The following DYNLRB2 variants were observed in gnomAD, a reference collection of about 807,000 sequenced individuals.
The protein encoded by DYNLRB2 is bithoraxoid-like protein.
In DYNLRB2, 14 loss-of-function variants were observed where a neutral mutation model predicts 12.6. That is an observed-to-expected ratio of 1.11 (90% CI 0.73 to 1.73). The LOEUF (loss-of-function observed/expected upper bound fraction) is 1.73. DYNLRB2 is among the 40% of genes most tolerant of loss of function. The pLI, the probability that DYNLRB2 is intolerant of heterozygous loss-of-function variation, is 0.00. For synonymous variants in DYNLRB2, 53 were observed against 37.0 expected, an observed-to-expected ratio of 1.43 and a Z score of -1.57; for missense variants, 142 against 117.7, an observed-to-expected ratio of 1.21 and a Z score of -0.95.
rs1347783399 is a variant in DYNLRB2, at chr16:80,549,477, A to G, written c.80-7A>G. 6.3e-7 allele frequency: 1 copy of G among 1,577,126 alleles called. No homozygotes were observed. On this transcript the variant is annotated splice_region_variant and splice_polypyrimidine_tract_variant and intron_variant, in intron 2 of 3. Transcript: ENST00000305904. ...AAAATATTAACCAAAATTAAATTTCATAATAGGTATTCCCATCCGAACAAC... is the reference window on the plus strand; with the variant it reads ...AAAATATTAACCAAAATTAAATTTCGTAATAGGTATTCCCATCCGAACAAC...
chr16:80,550,649 C>A lies in DYNLRB2; in HGVS notation c.*91C>A. The A allele has an allele frequency of 7.4e-7, 1 of 1,356,474 alleles. No homozygotes were observed. The highest frequency in any genetic ancestry group is 1.1e-6 in the Non-Finnish European group (1 of 948,064). 84.0% of individuals were successfully genotyped at this position (1,356,474 alleles called of 1,614,324 possible). On this transcript the variant is annotated 3_prime_UTR_variant, in exon 4 of 4. Coordinates refer to ENST00000305904, the MANE Select transcript of DYNLRB2 (RefSeq NM_130897.3). ...TAAAATTCTATTTCAATCTAACTGA[C>A]CCTTCAAACATTCTTTTCTATTTCT...
At position 80,550,441 on chromosome 16, in the gene DYNLRB2, AAAG is replaced by A. The variant is rs1188769691; in HGVS notation, c.248-69_248-67del. On this transcript the variant is annotated intron_variant, in intron 3 of 3. Transcript: ENST00000305904. The stretch of plus-strand genomic sequence containing the variant: ...AGGTCCCTGTGATGTTTTGAAGAAA[AAAG>A]AAGACTAGTTGAAATATTCCTTGAT... 2.6e-5 allele frequency: 41 copies of A among 1,577,638 alleles called. No individual in the cohort carries two copies. In the African/African-American group the frequency reaches 3.5e-4, roughly 13 times the overall value.
upstream of DYNLRB2, chr16:80,540,926 G>A (rs1909283674): frequency 2.1e-6 from 3 of 1,430,624 alleles, no homozygotes; most frequent in East Asian, 7.4e-5. Flanking sequence ...CGCGGTCAGG[G>A]CGAAAAAGCC....
intron 2 of DYNLRB2, among the ~76,000 whole-genome samples, chr16:80,547,028 A>T (rs1473138919): frequency 6.6e-6 from 1 of 152,238 alleles, no homozygotes; most frequent in Non-Finnish European, 1.5e-5. Context: ...TAAATGTGAA[A>T]TGAGATGACC....
chr16:80,549,190 A>G, intron 2 of DYNLRB2: 1 of 356,924 alleles, frequency 2.8e-6, no homozygotes, highest in Non-Finnish European at 5.4e-6. Flanking sequence ...TGAAGTATGC[A>G]GTTATTAAAA....
chr16:80,541,167 G>A (rs189034057), intron 1 of DYNLRB2, 88 bp downstream of exon 1: 4 of 1,513,760 alleles, frequency 2.6e-6, no homozygotes, highest in East Asian at 4.7e-5. Flanking sequence ...GGCCCACCCA[G>A]GCACGGGCGG....
intron 2 of DYNLRB2, among the ~76,000 whole-genome samples, chr16:80,547,009 A>G (rs1239496198): frequency 6.6e-6 from 1 of 152,210 alleles, no homozygotes; most frequent in Non-Finnish European, 1.5e-5. Context: ...ACACATACAT[A>G]TAAATGTATA....
At chr16:80,544,809 T>A (rs566207248) in intron 2 of DYNLRB2, 1 of 152,212 alleles carries the variant, frequency 6.6e-6, no homozygotes, top group African/African-American at 2.4e-5. Context: ...TAGTTGTCAA[T>A]CTTTAGTGTT....
upstream of DYNLRB2, chr16:80,540,933 A>AC (rs1909284479): frequency 4.1e-6 from 6 of 1,476,868 alleles, no homozygotes; most frequent in African/African-American, 8.4e-5. Context: ...AGGGCGAAAA[A>AC]GCCGACTCGC....
At chr16:80,540,937 G>A, upstream of DYNLRB2, 1 of 1,495,868 alleles carries the variant, frequency 6.7e-7, no homozygotes, top group Non-Finnish European at 9.1e-7. Context: ...CGAAAAAGCC[G>A]ACTCGCGAGC....
intron 2 of DYNLRB2, among the ~76,000 whole-genome samples, chr16:80,547,186 C>G (rs1348985754): frequency 6.6e-6 from 1 of 152,128 alleles, no homozygotes; most frequent in Non-Finnish European, 1.5e-5. Flanking sequence ...TGTACTGAAT[C>G]AAACAATTTC....
chr16:80,547,042 G>A (rs1037044893), intron 2 of DYNLRB2, among the ~76,000 whole-genome samples: 2 of 152,160 alleles, frequency 1.3e-5, no homozygotes, highest in African/African-American at 2.4e-5. Context: ...GATGACCAAG[G>A]ACATATTCTG....
chr16:80,549,044 T>A, intron 2 of DYNLRB2: 1 of 455,882 alleles, frequency 2.2e-6, no homozygotes, highest in African/African-American at 2.0e-5. Flanking sequence ...TATGTTAACT[T>A]AGTACTCAAG....
In DYNLRB2 at chr16:80,549,504, T is replaced by A. The variant is rs561592288; in HGVS notation, c.100T>A (p.Leu34Met). The A allele has an allele frequency of 6.2e-7, 1 of 1,609,968 alleles. No individual in the cohort carries two copies. Among genetic ancestry groups the A allele is most frequent in the South Asian group, 1.1e-5 (1 of 90,286 alleles). ...AATAGGTATTCCCATCCGAACAACC[T>A]TGGACAACTCAACAACTGTTCAATA... ...NAEGIPIRTTLDNSTTVQYAG... is the reference protein window; with the variant it reads ...NAEGIPIRTTMDNSTTVQYAG... Residue 34 changes from leucine to methionine, a missense_variant, in exon 3 of 4, where the codon TTG becomes ATG. Leu to Met is a conservative substitution (Grantham distance 15). Transcript: ENST00000305904.
At chr16:80,548,625 G>C (rs1381968624) in intron 2 of DYNLRB2, among the ~76,000 whole-genome samples, 1 of 151,758 alleles carries the variant, frequency 6.6e-6, no homozygotes. Context: ...GGGAAACTGA[G>C]GCAGGAGAAT....
chr16:80,548,009 A>T (rs1026246661), intron 2 of DYNLRB2: 3 of 342,332 alleles, frequency 8.8e-6, no homozygotes, highest in African/African-American at 4.3e-5. Context: ...AACCTGGTAA[A>T]ATCCTAAGTT....
chr16:80,545,309 A>C (rs1904380806), intron 2 of DYNLRB2, among the ~76,000 whole-genome samples: 1 of 152,156 alleles, frequency 6.6e-6, no homozygotes, highest in African/African-American at 2.4e-5. Flanking sequence ...TAAACAGAAA[A>C]AATAAGTAAA....
intron 2 of DYNLRB2, chr16:80,547,859 G>GA (rs969359216): frequency 4.4e-6 from 2 of 456,256 alleles, no homozygotes; most frequent in Admixed American, 2.4e-5. Flanking sequence ...TTTTTATTAT[G>GA]CTTTATTTAT....
At chr16:80,541,540 G>A (rs1473459449) in intron 1 of DYNLRB2, 11 of 374,030 alleles carry the variant, frequency 2.9e-5, no homozygotes, top group African/African-American at 4.2e-5. Context: ...GGGAAATAAA[G>A]AAAAAGGAAA....
Sources: gnomAD v4.1 joint callset for allele counts (sites outside exome capture counted in the v4.1 genomes callset) on GRCh38, gnomAD v4.1.1 for gene constraint, MANE v1.5 for transcripts, NCBI Gene and HGNC (gene_info 2026-07-23, HGNC 2026-07-21) for gene names.